Variants in DALRD3 observed in about 807,000 individuals in gnomAD.
The protein encoded by DALRD3 is DALR anticodon binding domain containing 3.
DALRD3 carries 47 observed loss-of-function variants against 56.7 expected under a neutral mutation model. The ratio of observed to expected loss-of-function variants is 0.83; its 90% CI spans 0.66 to 1.06. DALRD3 has a LOEUF of 1.06. Ranked by LOEUF, DALRD3 falls within the 50% of genes least tolerant of loss-of-function variation. The probability of loss-of-function intolerance (pLI) is 0.00; values close to 1 mark genes in which losing one functional copy is unlikely to be tolerated. For missense variants in DALRD3, 787 were observed against 724.0 expected (o/e 1.09, Z -1.00); for synonymous variants, 347 against 308.5 (o/e 1.12, Z -1.31).
chr3:49,015,909 G>A, intron 10 of DALRD3, 37 bp from the exon 11 acceptor site: 1 of 1,614,190 alleles, frequency 6.2e-7, no homozygotes, highest in Non-Finnish European at 8.5e-7. Context: ...CCATCTCTTT[G>A]CTCTTGTGCC....
chr3:49,018,903 T>C, upstream of DALRD3: 5 of 985,480 alleles, frequency 5.1e-6, 1 homozygote, highest in South Asian at 2.3e-4. Flanking sequence ...CATGTTTGTT[T>C]TAATAACATT....
At chr3:49,017,155 T>C in intron 5 of DALRD3, 73 bp downstream of exon 5, 2 of 1,603,594 alleles carry the variant, frequency 1.2e-6, no homozygotes, top group Non-Finnish European at 1.7e-6. Context: ...AACAAGCCCC[T>C]CGGTGGGTTT....
chr3:49,015,898 C>T (rs949067306), intron 10 of DALRD3, 26 bp from the exon 11 acceptor site: 3 of 1,614,050 alleles, frequency 1.9e-6, no homozygotes, highest in South Asian at 2.2e-5. Flanking sequence ...GAGTCACTGG[C>T]CCATCTCTTT....
chr3:49,018,287 C>T lies in DALRD3; in HGVS notation c.197G>A (p.Cys66Tyr). The T allele has an allele frequency of 6.9e-7, 1 of 1,449,648 alleles. No individual in the cohort carries two copies. The highest frequency in any genetic ancestry group is 9.0e-7 in the Non-Finnish European group (1 of 1,108,884). The allele number at this position is 1,449,648 out of a possible 1,614,324, so 89.8% of individuals were successfully genotyped here. A position where few individuals can be genotyped will look rare whatever the true frequency, so the allele number is the denominator to read the frequency against. ...CGGGGCCACACCGGGGCCCTGCAGGCAGGCGAGGGCATGGAGCAAATGCTC... is the reference window on the plus strand; with the variant it reads ...CGGGGCCACACCGGGGCCCTGCAGGTAGGCGAGGGCATGGAGCAAATGCTC... ...VPEHLLHALACLQGPGVAPVL... is the reference protein window; with the variant it reads ...VPEHLLHALAYLQGPGVAPVL... The change falls in exon 2 of 12, where the codon TGC becomes TAC. Residue 66 changes from cysteine to tyrosine, a missense_variant. Physicochemically the swap from Cys to Tyr is radical, Grantham distance 194. Coordinates refer to ENST00000341949, the MANE Select transcript of DALRD3 (RefSeq NM_001009996.3).
rs768667520 is a variant in DALRD3 at position 49,017,317 on chromosome 3, C to T, written c.838G>A (p.Val280Ile). 2 of 1,614,240 alleles carry T rather than the reference C, an allele frequency of 1.2e-6. No individual in the cohort carries two copies. Among genetic ancestry groups the T allele is most frequent in the Admixed American group, 1.7e-5 (1 of 60,034 alleles). Reference sequence around the variant, plus strand: ...TCCTCCTCACAGCTAACAACATGTACAACCAGGCAGCCGCCTGTACCAGTA... The same window carrying T: ...TCCTCCTCACAGCTAACAACATGTATAACCAGGCAGCCGCCTGTACCAGTA... ...SDTGTGGCLVVHVVSCEEEFQ... is the reference protein window; with the variant it reads ...SDTGTGGCLVIHVVSCEEEFQ... The change falls in exon 5 of 12, where the codon GTA becomes ATA. Residue 280 changes from valine (V) to isoleucine (I), a missense_variant. By Grantham distance (29) the Val-to-Ile change is conservative. Transcript: ENST00000341949.
At position 49,016,437 on chromosome 3, in the gene DALRD3, G is replaced by C. The variant is rs200059097; in HGVS notation, c.1138C>G (p.Gln380Glu). ...IKFEMLSTAP[Q>E]SQLFLALADS... Reference sequence around the variant, plus strand: ...CAGGCTCCCAGGCTCACCTGACTCTGTGGGGCTGTGCTCAGCATCTCAAAC... The same window carrying C: ...CAGGCTCCCAGGCTCACCTGACTCTCTGGGGCTGTGCTCAGCATCTCAAAC... The change falls in exon 8 of 12, where the codon CAG becomes GAG. Residue 380 changes from glutamine (Q) to glutamate (E), a missense_variant. Transcript: ENST00000341949. The C allele has an allele frequency of 2.4e-5, 39 of 1,612,662 alleles. No individual in the cohort carries two copies. The East Asian group carries it at 7.6e-4, about 31-fold the overall frequency.
At position 49,015,525 on chromosome 3, in the gene DALRD3, T is replaced by G. The variant is rs542796581; in HGVS notation, c.*63A>C. The stretch of plus-strand genomic sequence containing the variant: ...AGTACCAATTTATTTTGGCCGTGGG[T>G]TTTTGCTTTTTTTCCAGTTGATGAC... On this transcript the variant is annotated 3_prime_UTR_variant, in exon 12 of 12. Transcript: ENST00000341949. 276 of 1,597,604 alleles carry G rather than the reference T, an allele frequency of 1.7e-4. No individual in the cohort carries two copies. In the South Asian group the frequency reaches 3.0e-3, roughly 18 times the overall value.
upstream of DALRD3, chr3:49,020,543 G>T: frequency 2.2e-6 from 1 of 450,666 alleles, no homozygotes; most frequent in Admixed American, 2.5e-5. Flanking sequence ...GCAACTGAGA[G>T]GAACTGAGAC....
rs1431210006 is a variant in DALRD3, at chr3:49,016,468, GGTGGCCACA to G, written c.1098_1106del (p.Val367_Thr369del). 6.2e-7 allele frequency: 1 copy of G among 1,614,052 alleles called. No homozygotes were observed. The highest frequency in any genetic ancestry group is 8.5e-7 in the Non-Finnish European group (1 of 1,180,006). ...CTGTGCTCAGCATCTCAAACTTGATGGTGGCCACAGAGAGAACACCAAAGATCTCTGTCC... is the reference window on the plus strand; with the variant it reads ...CTGTGCTCAGCATCTCAAACTTGATGGAGAGAACACCAAAGATCTCTGTCC... On this transcript the variant is annotated inframe_deletion, in exon 8 of 12. Transcript: ENST00000341949.
chr3:49,021,074 G>C (rs1333016137), upstream of DALRD3: 1 of 158,470 alleles, frequency 6.3e-6, no homozygotes, highest in Non-Finnish European at 1.4e-5. The surrounding 1 kb of genome is among the most constrained non-coding windows in gnomAD (Gnocchi z 4.1). Context: ...CCCCGCGCTC[G>C]GTGGCCTTTG....
At position 49,016,763 on chromosome 3, in the gene DALRD3, G is replaced by T. The variant is rs1259714209; in HGVS notation, c.1001+11C>A. The T allele has an allele frequency of 1.2e-6, 2 of 1,614,006 alleles. No homozygotes were observed. The highest frequency in any genetic ancestry group is 2.7e-5 in the African/African-American group (2 of 74,904). On this transcript the variant is annotated intron_variant, in intron 6 of 11. Transcript: ENST00000341949. ...CTGGCTTAGGTTGGTGTTCCTCCCA[G>T]CCTCACTCACTCGTAGTACTCAGGG...
chr3:49,018,010 C>T lies in DALRD3; in HGVS notation c.461+13G>A. 1 of 1,478,398 alleles carries T rather than the reference C, an allele frequency of 6.8e-7. No homozygotes were observed. Among genetic ancestry groups the T allele is most frequent in the Non-Finnish European group, 8.9e-7 (1 of 1,122,322 alleles). The allele number at this position is 1,478,398 out of a possible 1,614,324, so 91.6% of individuals were successfully genotyped here. A position where few individuals can be genotyped will look rare whatever the true frequency, so the allele number is the denominator to read the frequency against. ...TCCCACTTTCTCCATTCCGGCCCCG[C>T]GGCCCCGCTCACCCGTGAGCGCGCA... On this transcript the variant is annotated intron_variant, in intron 2 of 11. Coordinates refer to ENST00000341949, the MANE Select transcript of DALRD3 (RefSeq NM_001009996.3).
At chr3:49,018,909 A>C, upstream of DALRD3, 1 of 985,454 alleles carries the variant, frequency 1.0e-6, no homozygotes, top group Non-Finnish European at 1.2e-6. Flanking sequence ...TGTTTTAATA[A>C]CATTTCATTT....
upstream of DALRD3, chr3:49,018,695 G>C: frequency 7.1e-7 from 1 of 1,408,698 alleles, no homozygotes; most frequent in Non-Finnish European, 9.2e-7. Context: ...TGGTAGCCCT[G>C]TCGGCTGCTT....
At chr3:49,020,043 C>T (rs1575298914), upstream of DALRD3, 1 of 498,938 alleles carries the variant, frequency 2.0e-6, no homozygotes, top group South Asian at 1.4e-5. Context: ...GAAGCTAACT[C>T]AGTAGAGAGA....
upstream of DALRD3, chr3:49,020,578 TG>T: frequency 2.1e-6 from 1 of 472,246 alleles, no homozygotes; most frequent in Non-Finnish European, 4.4e-6. Context: ...AAAGTATGTC[TG>T]GGGGTCAGGG....
intron 5 of DALRD3, 143 bp downstream of exon 5, chr3:49,017,085 T>C (rs1389844337): frequency 8.4e-7 from 1 of 1,189,714 alleles, no homozygotes; most frequent in Non-Finnish European, 1.2e-6. Context: ...CTGCACCTGC[T>C]GTACATGCCC....
At position 49,017,258 on chromosome 3, in the gene DALRD3, C is replaced by G; in HGVS notation, c.897G>C (p.Gln299His). The change falls in exon 5 of 12, where the codon CAG becomes CAC. Residue 299 changes from glutamine to histidine, a missense_variant. Transcript: ENST00000341949. ...TGAGTGGAGCCTTGTCAACCAACTT[C>G]TGCCAAAGCAGGTCCAACTTCTGTT... ...FQQQKLDLLW[Q>H]KLVDKAPLRQ... The G allele has an allele frequency of 7.4e-6, 12 of 1,614,170 alleles. No individual in the cohort carries two copies. Among genetic ancestry groups the G allele is most frequent in the Non-Finnish European group, 1.0e-5 (12 of 1,180,002 alleles).
At chr3:49,020,434 C>T (rs2093143707), upstream of DALRD3, 5 of 381,948 alleles carry the variant, frequency 1.3e-5, no homozygotes, top group South Asian at 7.7e-5. Context: ...CCCAGAGGTC[C>T]TGGGTCCACC....
Sources: allele counts gnomAD v4.1 joint callset, GRCh38; gene constraint gnomAD v4.1.1; non-coding constraint Gnocchi (gnomAD v3.1); transcripts MANE v1.5; gene names NCBI Gene and HGNC (gene_info 2026-07-23, HGNC 2026-07-21).